Variants in GDPD5 observed in about 807,000 individuals in gnomAD.
The protein encoded by GDPD5 is glycerophosphodiester phosphodiesterase domain containing 5, also known as glycerophosphodiester phosphodiesterase 2.
GDPD5 carries 48 observed loss-of-function variants against 75.1 expected under a neutral mutation model. That is an observed-to-expected ratio of 0.64 (90% CI 0.51 to 0.81). The LOEUF is 0.81. Among genes scored for constraint, GDPD5 ranks in the 40% least tolerant of loss-of-function variants. GDPD5 has a pLI of 0.00. For missense variants in GDPD5, 706 were observed against 822.6 expected, an observed-to-expected ratio of 0.86 and a Z score of 1.73; for synonymous variants, 336 against 339.0, an observed-to-expected ratio of 0.99 and a Z score of 0.10.
intron 1 of GDPD5, among the ~76,000 whole-genome samples, chr11:75,511,615 G>A (rs980397455): frequency 3.9e-5 from 6 of 152,088 alleles, no homozygotes; most frequent in African/African-American, 1.2e-4. Flanking sequence ...GGGTCCAGGC[G>A]GGACAAGGTC....
Position 75,441,755 on chromosome 11 carries a change from G to C in GDPD5, c.1216C>G (p.Pro406Ala). 1 of 1,611,428 alleles carries C rather than the reference G, an allele frequency of 6.2e-7. No individual in the cohort carries two copies. The highest frequency in any genetic ancestry group is 8.5e-7 in the Non-Finnish European group (1 of 1,179,910). The change falls in exon 13 of 17, where the codon CCC becomes GCC. Residue 406 changes from proline to alanine, a missense_variant. Physicochemically the swap from Pro to Ala is conservative, Grantham distance 27. Transcript: ENST00000336898. ...RQRPLVRKVAPGFQQTSGSKE... is the reference protein window; with the variant it reads ...RQRPLVRKVAAGFQQTSGSKE... The stretch of plus-strand genomic sequence containing the variant: ...GAGCCTGATGTCTGTTGGAAGCCGG[G>C]AGCCACCTTCCGCACCAGGGGCCTC...
intron 1 of GDPD5, among the ~76,000 whole-genome samples, chr11:75,501,227 C>T (rs1259418115): frequency 2.6e-5 from 4 of 152,238 alleles, no homozygotes; most frequent in South Asian, 4.1e-4. Flanking sequence ...TACCCTGGCT[C>T]GGCCCCTCCT....
intron 3 of GDPD5, among the ~76,000 whole-genome samples, chr11:75,464,223 C>T (rs891131178): frequency 6.6e-5 from 10 of 152,244 alleles, no homozygotes; most frequent in Non-Finnish European, 5.9e-5. Flanking sequence ...CCTGTCACCA[C>T]TTACAAGCTG....
intron 1 of GDPD5, among the ~76,000 whole-genome samples, chr11:75,518,928 G>A (rs957762260): frequency 6.6e-6 from 1 of 152,106 alleles, no homozygotes; most frequent in Admixed American, 6.5e-5. Flanking sequence ...CAGGATTAAC[G>A]CTGGAAGACC....
At chr11:75,501,786 C>T (rs1002840944) in intron 1 of GDPD5, among the ~76,000 whole-genome samples, 1 of 152,130 alleles carries the variant, frequency 6.6e-6, no homozygotes, top group African/African-American at 2.4e-5. Flanking sequence ...TCCTCCAGAC[C>T]CCTCTGCCAA....
chr11:75,457,133 G>A lies in GDPD5; in HGVS notation c.316-317C>T, dbSNP rs551558970. On this transcript the variant is annotated intron_variant, in intron 5 of 16. Transcript: ENST00000336898. The stretch of plus-strand genomic sequence containing the variant: ...AAACATTTTGGGAGTTCCAGTCCCC[G>A]GGATTCTGAAACAGACTTGAGCCTG... Among the ~76,000 whole-genome samples, 15 of 152,314 alleles carry A rather than the reference G, an allele frequency of 9.8e-5. No homozygotes were observed. In the South Asian group the frequency reaches 1.2e-3, roughly 13 times the overall value.
At chr11:75,471,040 C>T (rs1297164284) in intron 3 of GDPD5, among the ~76,000 whole-genome samples, 1 of 152,218 alleles carries the variant, frequency 6.6e-6, no homozygotes, top group Non-Finnish European at 1.5e-5. Context: ...CTACAGAGAC[C>T]AAGAGGGAGA....
intron 1 of GDPD5, among the ~76,000 whole-genome samples, chr11:75,517,724 A>G (rs1950670108): frequency 6.6e-6 from 1 of 152,014 alleles, no homozygotes; most frequent in African/African-American, 2.4e-5. Flanking sequence ...ATCACAGCAG[A>G]GTTGGATGAC....
At chr11:75,462,202 G>T (rs1270434382) in intron 4 of GDPD5, among the ~76,000 whole-genome samples, 1 of 152,184 alleles carries the variant, frequency 6.6e-6, no homozygotes, top group African/African-American at 2.4e-5. Context: ...CCCCGGTTGA[G>T]CCCTGGCCCA....
intron 9 of GDPD5, chr11:75,448,618 C>T (rs1321807118): frequency 2.9e-6 from 3 of 1,032,656 alleles, no homozygotes; most frequent in South Asian, 4.2e-5. Flanking sequence ...TCTGAGCTGC[C>T]TCCCAGCTCT....
Position 75,524,049 on chromosome 11 carries a change from C to T in GDPD5, c.-145+1161G>A, listed in dbSNP as rs1171871189. 2.0e-5 allele frequency among the ~76,000 whole-genome samples: 3 copies of T among 152,232 alleles called. No individual in the cohort carries two copies. In the East Asian group the frequency reaches 5.8e-4, roughly 29 times the overall value. On this transcript the variant is annotated intron_variant, in intron 1 of 16. Coordinates refer to ENST00000336898, the MANE Select transcript of GDPD5 (RefSeq NM_030792.8). ...CCATGCCAAGGGCTCTTTCACAACA[C>T]CCCTCTCCCTACATGCCTTGGGGGC...
rs555538873 is a variant in GDPD5, at chr11:75,444,433, G to A, written c.777C>T (p.Leu259=). ...CCTACCTGATGGTAATGTCAGCCTG[G>A]AGCCCGTACAGCTTCTGCTCGAGGG... is the stretch of plus-strand genomic sequence containing the variant. The part of the protein sequence containing the change: ...RKALEQKLYG[L]QADITISLDG... The change falls in exon 10 of 17, where the codon CTC becomes CTT. Residue 259 remains leucine, a synonymous_variant. Transcript: ENST00000336898. 1.1e-5 allele frequency: 18 copies of A among 1,613,676 alleles called. No homozygotes were observed. Among genetic ancestry groups the A allele is most frequent in the African/African-American group, 4.0e-5 (3 of 75,032 alleles).
intron 2 of GDPD5, among the ~76,000 whole-genome samples, chr11:75,480,417 G>A (rs1949885070): frequency 6.6e-6 from 1 of 152,064 alleles, no homozygotes; most frequent in Admixed American, 6.5e-5. Context: ...GTGTGCAGTA[G>A]TGCAATCATC....
intron 1 of GDPD5, among the ~76,000 whole-genome samples, chr11:75,518,653 C>T (rs1415226193): frequency 6.6e-6 from 1 of 152,198 alleles, no homozygotes; most frequent in Non-Finnish European, 1.5e-5. Context: ...ATTTATTACC[C>T]TGACCCCATT....
intron 3 of GDPD5, among the ~76,000 whole-genome samples, chr11:75,467,846 T>G (rs2135323172): frequency 6.6e-6 from 1 of 152,280 alleles, no homozygotes; most frequent in South Asian, 2.1e-4. Flanking sequence ...TGGGCAATTG[T>G]GGGTCAATTT....
chr11:75,484,820 T>G (rs1414666602), intron 2 of GDPD5, among the ~76,000 whole-genome samples: 1 of 152,230 alleles, frequency 6.6e-6, no homozygotes, highest in African/African-American at 2.4e-5. Context: ...GTGCTAGCAC[T>G]TGCTGCTGGG....
chr11:75,514,771 A>G (rs1950602187), intron 1 of GDPD5, among the ~76,000 whole-genome samples: 1 of 152,254 alleles, frequency 6.6e-6, no homozygotes, highest in Admixed American at 6.5e-5. Flanking sequence ...GTGGACTTCA[A>G]TTAGTCTCAA....
At chr11:75,479,793 T>C (rs1293332976) in intron 2 of GDPD5, among the ~76,000 whole-genome samples, 2 of 152,148 alleles carry the variant, frequency 1.3e-5, no homozygotes, top group Non-Finnish European at 2.9e-5. Context: ...CTCGTATAAA[T>C]GGAATCATAC....
intron 4 of GDPD5, among the ~76,000 whole-genome samples, chr11:75,461,469 G>C (rs1244711599): frequency 2.6e-5 from 4 of 152,256 alleles, no homozygotes; most frequent in African/African-American, 9.6e-5. Context: ...TGCCATACGG[G>C]GAAAAGTGGA....
Sources: gnomAD v4.1 joint callset for allele counts (sites outside exome capture counted in the v4.1 genomes callset) on GRCh38, gnomAD v4.1.1 for gene constraint, MANE v1.5 for transcripts, NCBI Gene and HGNC (gene_info 2026-07-23, HGNC 2026-07-21) for gene names.